Variants in GRIP1 observed in about 807,000 individuals in gnomAD.
The protein encoded by GRIP1 is glutamate receptor interacting protein 1.
A neutral mutation model predicts 129.9 loss-of-function variants in GRIP1; 45 were observed. The observed-to-expected ratio is 0.35, with a 90% CI of 0.27 to 0.44. The LOEUF is 0.44. Among genes scored for constraint, GRIP1 ranks in the 20% least tolerant of loss-of-function variants. GRIP1 has a pLI of 1.00. For synonymous variants in GRIP1, 530 were observed against 520.8 expected (o/e 1.02, Z -0.24); for missense variants, 1,196 against 1,396.8 (o/e 0.86, Z 2.29).
chr12:66,358,549 C>T (rs149885235), intron 23 of GRIP1, among the ~76,000 whole-genome samples: 173 of 152,202 alleles, frequency 1.1e-3, no homozygotes, highest in African/African-American at 2.8e-3. Context: ...CAGGCTCAGG[C>T]GATTTCTCCT....
chr12:66,949,058 C>T (rs2041714885), intron 1 of GRIP1, among the ~76,000 whole-genome samples: 1 of 152,112 alleles, frequency 6.6e-6, no homozygotes, highest in South Asian at 2.1e-4. Flanking sequence ...TCCAATTAGC[C>T]ATTATTTCCC....
At position 66,455,404 on chromosome 12, in the gene GRIP1, C is replaced by T; in HGVS notation, c.1354+5G>A. 6.2e-7 allele frequency: 1 copy of T among 1,614,042 alleles called. No individual in the cohort carries two copies. Among genetic ancestry groups the T allele is most frequent in the South Asian group, 1.1e-5 (1 of 91,076 alleles). ...CCAAATGCCATTGGCTGTCATTTCACTTACATGAGCTTTTGAAGTCTTTCT... is the reference window on the plus strand; with the variant it reads ...CCAAATGCCATTGGCTGTCATTTCATTTACATGAGCTTTTGAAGTCTTTCT... On this transcript the variant is annotated splice_donor_5th_base_variant and intron_variant, in intron 11 of 24. Transcript: ENST00000359742.
intron 1 of GRIP1, among the ~76,000 whole-genome samples, chr12:66,711,301 T>C (rs1316949674): frequency 6.6e-6 from 1 of 151,942 alleles, no homozygotes; most frequent in Non-Finnish European, 1.5e-5. Flanking sequence ...GAATTCGTAA[T>C]TGATGCATGT....
At chr12:66,638,927 C>T (rs1012525624) in intron 1 of GRIP1, among the ~76,000 whole-genome samples, 10 of 152,144 alleles carry the variant, frequency 6.6e-5, no homozygotes, top group Non-Finnish European at 7.3e-5. Context: ...TACATAAGCT[C>T]CTTGTGTTTC....
At chr12:67,020,359 T>C (rs2042847284) in intron 1 of GRIP1, among the ~76,000 whole-genome samples, 1 of 152,206 alleles carries the variant, frequency 6.6e-6, no homozygotes, top group Non-Finnish European at 1.5e-5. Context: ...CTAAAGGAAT[T>C]GTCAACTTAA....
intron 1 of GRIP1, among the ~76,000 whole-genome samples, chr12:66,912,635 T>C (rs2041049282): frequency 6.6e-6 from 1 of 152,142 alleles, no homozygotes. Flanking sequence ...CATTTAGTAA[T>C]ATGTCTTCAA....
intron 1 of GRIP1, among the ~76,000 whole-genome samples, chr12:66,767,197 C>T (rs146918304): frequency 3.3e-5 from 5 of 152,058 alleles, no homozygotes; most frequent in African/African-American, 9.7e-5. Context: ...ACTTTGGAAA[C>T]TCAGTTTAAA....
chr12:66,574,790 T>TTTTTTTTTTC (rs1555209658), intron 2 of GRIP1, among the ~76,000 whole-genome samples: 2 of 142,068 alleles, frequency 1.4e-5, no homozygotes, highest in Non-Finnish European at 1.5e-5. Flanking sequence ...CACTTTTCTT[T>TTTTTTTTTTC]TTTTTTTTTT....
intron 7 of GRIP1, among the ~76,000 whole-genome samples, chr12:66,483,522 T>G (rs1269565398): frequency 3.3e-5 from 5 of 152,200 alleles, no homozygotes; most frequent in Admixed American, 6.5e-5. Flanking sequence ...CCATGCTAAC[T>G]TGAGTTTGGA....
At chr12:66,514,808 A>G (rs1375184197) in intron 7 of GRIP1, among the ~76,000 whole-genome samples, 1 of 152,154 alleles carries the variant, frequency 6.6e-6, no homozygotes, top group Non-Finnish European at 1.5e-5. Flanking sequence ...ATGCAGTTAT[A>G]GAGTAAGCCT....
chr12:66,540,109 T>C (rs554264536), intron 3 of GRIP1, among the ~76,000 whole-genome samples: 3 of 152,350 alleles, frequency 2.0e-5, no homozygotes, highest in Middle Eastern at 3.4e-3. Context: ...CTGACACTTA[T>C]GTCAACTTAA....
intron 1 of GRIP1, among the ~76,000 whole-genome samples, chr12:66,748,635 C>T (rs182234553): frequency 2.3e-4 from 35 of 152,242 alleles, no homozygotes; most frequent in Middle Eastern, 3.4e-3. Context: ...ACTTTAAGGT[C>T]CAATTCTATA....
chr12:66,601,370 T>C (rs1018970398), intron 1 of GRIP1, among the ~76,000 whole-genome samples: 2 of 152,186 alleles, frequency 1.3e-5, no homozygotes, highest in Admixed American at 1.3e-4. Context: ...GGTCTCCTCA[T>C]GCTCTCAAAT....
chr12:66,820,870 G>T (rs891403732), intron 1 of GRIP1, among the ~76,000 whole-genome samples: 2 of 151,822 alleles, frequency 1.3e-5, no homozygotes, highest in African/African-American at 4.8e-5. Context: ...TGGATAAATA[G>T]GTGAAGCACA....
intron 1 of GRIP1, among the ~76,000 whole-genome samples, chr12:66,994,399 C>T (rs7312344): frequency 0.83 from 125,533 of 151,398 alleles, 52,536 homozygotes; most frequent in African/African-American, 0.93. Flanking sequence ...ATAATGTCAA[C>T]AGATGCAGAA....
intron 1 of GRIP1, among the ~76,000 whole-genome samples, chr12:66,898,208 A>C (rs1161866278): frequency 3.3e-5 from 5 of 152,194 alleles, no homozygotes; most frequent in Non-Finnish European, 7.3e-5. Flanking sequence ...TGTTGTGCCC[A>C]CTACACTAAT....
intron 1 of GRIP1, among the ~76,000 whole-genome samples, chr12:66,906,100 G>A (rs1433217744): frequency 1.3e-5 from 2 of 152,190 alleles, no homozygotes; most frequent in East Asian, 3.9e-4. Flanking sequence ...AATTTCAAAG[G>A]CAAAACTTGT....
chr12:66,654,904 A>C (rs959154543), intron 1 of GRIP1, among the ~76,000 whole-genome samples: 3 of 152,268 alleles, frequency 2.0e-5, no homozygotes, highest in Admixed American at 2.0e-4. Context: ...GGTGAAAATT[A>C]GAAAAGACAT....
At chr12:66,776,939 C>T (rs559886165) in intron 1 of GRIP1, among the ~76,000 whole-genome samples, 2 of 152,270 alleles carry the variant, frequency 1.3e-5, no homozygotes, top group Admixed American at 1.3e-4. Context: ...GGAATTTATC[C>T]TGCACATAAG....
Sources: gnomAD v4.1 joint callset for allele counts (sites outside exome capture counted in the v4.1 genomes callset) on GRCh38, gnomAD v4.1.1 for gene constraint, MANE v1.5 for transcripts, NCBI Gene and HGNC (gene_info 2026-07-23, HGNC 2026-07-21) for gene names.